The following TNIK variants were observed in gnomAD, a reference collection of about 807,000 sequenced individuals.
TNIK encodes the protein TRAF2 and NCK-interacting protein kinase.
Under a neutral mutation model 191.3 loss-of-function variants are expected in TNIK, and 49 were observed. The observed-to-expected ratio is 0.26, with a 90% CI of 0.20 to 0.32. The LOEUF (loss-of-function observed/expected upper bound fraction) is 0.32. Ranked by LOEUF, TNIK falls within the 10% of genes least tolerant of loss-of-function variation. The pLI is 1.00. For synonymous variants in TNIK, 594 were observed against 600.9 expected (o/e 0.99, Z 0.17); for missense variants, 1,155 against 1,702.3 (o/e 0.68, Z 5.66).
intron 2 of TNIK, among the ~76,000 whole-genome samples, chr3:171,355,968 G>T (rs1713991333): frequency 6.6e-6 from 1 of 152,060 alleles, no homozygotes; most frequent in Non-Finnish European, 1.5e-5. Flanking sequence ...TTGCTACAAT[G>T]CCACACCAGG....
chr3:171,373,517 A>G (rs901805416), intron 1 of TNIK, among the ~76,000 whole-genome samples: 1 of 152,082 alleles, frequency 6.6e-6, no homozygotes, highest in African/African-American at 2.4e-5. Context: ...TTTTTCTGGG[A>G]CCATTTGCTT....
intron 3 of TNIK, among the ~76,000 whole-genome samples, chr3:171,220,572 G>A (rs1316801436): frequency 1.3e-5 from 2 of 152,004 alleles, no homozygotes; most frequent in Non-Finnish European, 2.9e-5. Context: ...AGGAAAGGAC[G>A]GACCTGCAGA....
chr3:171,165,415 CAAA>C (rs35708323), intron 10 of TNIK, among the ~76,000 whole-genome samples: 33 of 72,788 alleles, frequency 4.5e-4, no homozygotes, highest in African/African-American at 1.2e-3. Flanking sequence ...GAACTCATCT[CAAA>C]AAAAAAAAAA....
At chr3:171,283,771 T>G (rs1341834730) in intron 2 of TNIK, among the ~76,000 whole-genome samples, 8 of 152,128 alleles carry the variant, frequency 5.3e-5, no homozygotes, top group African/African-American at 1.9e-4. Flanking sequence ...GAGAACTGCC[T>G]CAAATCAGAC....
At chr3:171,291,204 C>A (rs1751643808) in intron 2 of TNIK, among the ~76,000 whole-genome samples, 1 of 152,168 alleles carries the variant, frequency 6.6e-6, no homozygotes. Context: ...ATATGCATTA[C>A]AGCTATGTAC....
intron 2 of TNIK, among the ~76,000 whole-genome samples, chr3:171,301,674 T>A (rs891481059): frequency 3.3e-5 from 5 of 152,182 alleles, no homozygotes; most frequent in Non-Finnish European, 7.3e-5. Context: ...TGTAGGGAAC[T>A]CTTCTATACT....
chr3:171,097,993 A>G (rs1366632303), intron 22 of TNIK, among the ~76,000 whole-genome samples: 1 of 152,230 alleles, frequency 6.6e-6, no homozygotes, highest in Non-Finnish European at 1.5e-5. Context: ...TAATAAATAG[A>G]GGAGACAAAT....
chr3:171,213,646 T>C (rs1021268277), intron 3 of TNIK, among the ~76,000 whole-genome samples: 14 of 151,850 alleles, frequency 9.2e-5, no homozygotes, highest in African/African-American at 3.1e-4. Flanking sequence ...GTACTGGAGG[T>C]CAGAATAAAG....
At chr3:171,315,394 A>G (rs2108314188) in intron 2 of TNIK, among the ~76,000 whole-genome samples, 1 of 152,196 alleles carries the variant, frequency 6.6e-6, no homozygotes, top group Middle Eastern at 3.4e-3. Context: ...AGCAAACACA[A>G]TACTCTATTC....
At chr3:171,393,386 G>C (rs533481772) in intron 1 of TNIK, among the ~76,000 whole-genome samples, 3 of 152,342 alleles carry the variant, frequency 2.0e-5, no homozygotes, top group Admixed American at 6.5e-5. Flanking sequence ...TGCTGCAGGA[G>C]AGAGCAGCTT....
In TNIK at chr3:171,443,317, G is replaced by C. The variant is rs530140462; in HGVS notation, c.57+16690C>G. 7.9e-5 allele frequency among the ~76,000 whole-genome samples: 12 copies of C among 152,120 alleles called. No individual in the cohort carries two copies. In the East Asian group the frequency reaches 1.9e-3, roughly 24 times the overall value. ...AATCGCAGCACTCCCAAACTCAAAGGGCCCTTTCAACCACGCCAATTGCAA... is the reference window on the plus strand; with the variant it reads ...AATCGCAGCACTCCCAAACTCAAAGCGCCCTTTCAACCACGCCAATTGCAA... On this transcript the variant is annotated intron_variant, in intron 1 of 32. Coordinates refer to ENST00000436636, the MANE Select transcript of TNIK (RefSeq NM_015028.4).
chr3:171,397,367 A>T (rs1241896389), intron 1 of TNIK, among the ~76,000 whole-genome samples: 1 of 152,200 alleles, frequency 6.6e-6, no homozygotes, highest in Non-Finnish European at 1.5e-5. Context: ...GGGGTTAAAA[A>T]GTTGGCCAAC....
In TNIK at chr3:171,182,144, C is replaced by T. The variant is rs149877730; in HGVS notation, c.640-4764G>A. 9.7e-5 allele frequency among the ~76,000 whole-genome samples: 14 copies of T among 143,758 alleles called. No homozygotes were observed. In the East Asian group the frequency reaches 1.4e-3, roughly 15 times the overall value. The allele number at this position is 143,758 out of a possible 152,430, so 94.3% of individuals were successfully genotyped here. On this transcript the variant is annotated intron_variant, in intron 7 of 32. Transcript: ENST00000436636. ...AGTCAATTCTGCTGCTTCCTTAAGC[C>T]TTCATTTGATATCATTGTTAGGATT...
At position 171,079,518 on chromosome 3, in the gene TNIK, C is replaced by G; in HGVS notation, c.3448G>C (p.Val1150Leu). The G allele has an allele frequency of 6.8e-6, 11 of 1,610,442 alleles. No homozygotes were observed. Among genetic ancestry groups the G allele is most frequent in the Non-Finnish European group, 9.3e-6 (11 of 1,178,724 alleles). Residue 1150 changes from valine (V) to leucine (L), a missense_variant and splice_region_variant, in exon 28 of 33, where the codon GTT (valine) becomes CTT (leucine). Around this residue, in one of 3 missense-constraint regions of TNIK, gnomAD observed 195 missense variants for 415.4 expected, o/e 0.47. Coordinates refer to ENST00000436636, the MANE Select transcript of TNIK (RefSeq NM_015028.4). ...DLEGCIHYKV[V>L]KYERIKFLVI... ...TATAATTCCATGTCTTGAGACTTAC[C>G]AACTTTATAATGTATACAGCCTTCC... is the stretch of plus-strand genomic sequence containing the variant.
chr3:171,399,916 C>T (rs1394822648), intron 1 of TNIK, among the ~76,000 whole-genome samples: 1 of 152,140 alleles, frequency 6.6e-6, no homozygotes, highest in Non-Finnish European at 1.5e-5. Context: ...TAATAAAAAT[C>T]AAAGCAGAAA....
chr3:171,401,828 T>C (rs1342833065), intron 1 of TNIK, among the ~76,000 whole-genome samples: 2 of 152,206 alleles, frequency 1.3e-5, no homozygotes, highest in African/African-American at 4.8e-5. Context: ...AATTAAATAA[T>C]GCATTTAAAC....
At chr3:171,269,283 T>C (rs1748800432) in intron 2 of TNIK, among the ~76,000 whole-genome samples, 2 of 152,362 alleles carry the variant, frequency 1.3e-5, no homozygotes, top group East Asian at 3.9e-4. Flanking sequence ...ACTAAATGAA[T>C]AAATACATTA....
intron 2 of TNIK, among the ~76,000 whole-genome samples, chr3:171,348,014 T>C (rs1410814150): frequency 6.6e-6 from 1 of 152,202 alleles, no homozygotes; most frequent in African/African-American, 2.4e-5. Flanking sequence ...ATGGACTTAC[T>C]TATTCACTGT....
At chr3:171,154,101 AAAC>A (rs567634320) in intron 12 of TNIK, among the ~76,000 whole-genome samples, 30 of 152,224 alleles carry the variant, frequency 2.0e-4, no homozygotes, top group African/African-American at 4.6e-4. Context: ...TCATGCTTAA[AAAC>A]AACAACAACA....
Sources: allele counts gnomAD v4.1 joint callset (sites outside exome capture counted in the v4.1 genomes callset), GRCh38; gene constraint gnomAD v4.1.1; regional missense constraint gnomAD v4.1.1; transcripts MANE v1.5; gene names NCBI Gene and HGNC (gene_info 2026-07-23, HGNC 2026-07-21).